The following SEC61A2 variants were observed in gnomAD, a reference collection of about 807,000 sequenced individuals.
SEC61A2 encodes the protein SEC61 translocon subunit alpha 2, also known as protein transport protein Sec61 subunit alpha isoform 2.
Under a neutral mutation model 59.9 loss-of-function variants are expected in SEC61A2, and 28 were observed. The observed-to-expected ratio is 0.47, with a 90% CI of 0.35 to 0.64. The LOEUF (loss-of-function observed/expected upper bound fraction) is 0.64. SEC61A2 is among the 30% of genes least tolerant of loss of function. The pLI is 0.01. For synonymous variants in SEC61A2, 202 were observed against 214.4 expected (o/e 0.94, Z 0.50); for missense variants, 340 against 585.9 (o/e 0.58, Z 4.33).
In SEC61A2 at chr10:12,162,267, T is replaced by G; in HGVS notation, c.1222T>G (p.Ser408Ala). Residue 408 changes from serine to alanine, a missense_variant, in exon 11 of 12, where the codon TCT becomes GCT. By Grantham distance (99) the Ser-to-Ala change is moderately conservative. Transcript: ENST00000298428. The surrounding 1 kb of genome is among the most constrained non-coding windows in gnomAD (Gnocchi z 6.1). ...QMVMRGHRDT[S>A]MVHELNRYIP... ...GGTAATGAGGGGCCACCGAGATACCTCTATGGTTCATGAGCTTAATAGGTA... is the reference window on the plus strand; with the variant it reads ...GGTAATGAGGGGCCACCGAGATACCGCTATGGTTCATGAGCTTAATAGGTA... 6.2e-7 allele frequency: 1 copy of G among 1,613,732 alleles called. No individual in the cohort carries two copies. The highest frequency in any genetic ancestry group is 8.5e-7 in the Non-Finnish European group (1 of 1,179,660).
rs553199097 is a variant in SEC61A2, at chr10:12,150,016, C to T, written c.462+55C>T. 53 of 1,180,822 alleles carry T rather than the reference C, an allele frequency of 4.5e-5. No individual in the cohort carries two copies. In the South Asian group the frequency reaches 6.0e-4, roughly 13 times the overall value. The allele number at this position is 1,180,822 out of a possible 1,614,324, so 73.1% of individuals were successfully genotyped here. A position where few individuals can be genotyped will look rare whatever the true frequency, so the allele number is the denominator to read the frequency against. On this transcript the variant is annotated intron_variant, in intron 6 of 11. Transcript: ENST00000298428. ...TAACAAAACAGTTTGATTCCTTTTT[C>T]CTTTTCTAACAGTTCTTTAGGTGAT...
Position 12,161,696 on chromosome 10 carries a change from G to A in SEC61A2, c.1168-517G>A, listed in dbSNP as rs549473667. 1.0e-3 allele frequency among the ~76,000 whole-genome samples: 157 copies of A among 152,216 alleles called. No homozygotes were observed. The highest frequency in any genetic ancestry group is 3.6e-3 in the African/African-American group (151 of 41,538). ...TCGGAGGTTGCAGTGAGCTGAGATCGTGCCACTGAACTCCAGCCTGGCGAC... is the reference window on the plus strand; with the variant it reads ...TCGGAGGTTGCAGTGAGCTGAGATCATGCCACTGAACTCCAGCCTGGCGAC... On this transcript the variant is annotated intron_variant, in intron 10 of 11. Coordinates refer to ENST00000298428, the MANE Select transcript of SEC61A2 (RefSeq NM_018144.4). This position sits in a 1 kb window ranked among gnomAD's most constrained non-coding sequence, Gnocchi z 5.4.
At position 12,143,766 on chromosome 10, in the gene SEC61A2, C is replaced by T. The variant is rs1459313365; in HGVS notation, c.220+571C>T. ...AAGGGAGTCCAGTGTGTGAGCCAAT[C>T]GGGGAGCTCAGCTGGAGCTGAGCCT... On this transcript the variant is annotated intron_variant, in intron 4 of 11. Transcript: ENST00000298428. The surrounding 1 kb of genome is among the most constrained non-coding windows in gnomAD (Gnocchi z 4.8). Among the ~76,000 whole-genome samples the T allele has an allele frequency of 2.0e-5, 3 of 152,022 alleles. No individual in the cohort carries two copies. The highest frequency in any genetic ancestry group is 2.1e-4 in the South Asian group (1 of 4,816).
At position 12,143,059 on chromosome 10, in the gene SEC61A2, T is replaced by C. The variant is rs1834058134; in HGVS notation, c.142-58T>C. 11 of 1,352,198 alleles carry C rather than the reference T, an allele frequency of 8.1e-6. No homozygotes were observed. The Admixed American group carries it at 1.8e-4, about 23-fold the overall frequency. 83.8% of individuals were successfully genotyped at this position (1,352,198 alleles called of 1,614,324 possible). A position where few individuals can be genotyped will look rare whatever the true frequency, so the allele number is the denominator to read the frequency against. ...CCTTTGCCTCCTGGGTTCAAGCGATTCTTATGCCTCAGCCTTATATAATAC... is the reference window on the plus strand; with the variant it reads ...CCTTTGCCTCCTGGGTTCAAGCGATCCTTATGCCTCAGCCTTATATAATAC... On this transcript the variant is annotated intron_variant, in intron 3 of 11. Transcript: ENST00000298428. The surrounding 1 kb of genome is among the most constrained non-coding windows in gnomAD (Gnocchi z 4.8).
chr10:12,134,287 G>A (rs934490913), intron 2 of SEC61A2, among the ~76,000 whole-genome samples: 3 of 152,218 alleles, frequency 2.0e-5, no homozygotes, highest in Non-Finnish European at 4.4e-5. Context: ...GATTACAGGC[G>A]TGAGCCACCG....
At chr10:12,151,701 T>G (rs1321545034) in intron 6 of SEC61A2, among the ~76,000 whole-genome samples, 5 of 152,212 alleles carry the variant, frequency 3.3e-5, no homozygotes, top group Non-Finnish European at 7.3e-5. Flanking sequence ...AATATATACA[T>G]AGAAGGAAAT....
At position 12,162,247 on chromosome 10, in the gene SEC61A2, T is replaced by TGA. The variant is rs1834548675; in HGVS notation, c.1204_1205dup (p.His404AlafsTer47). Reference sequence around the variant, plus strand: ...CAGCTGAAAGAACAGCAGATGGTAATGAGGGGCCACCGAGATACCTCTATG... The same window carrying TGA: ...CAGCTGAAAGAACAGCAGATGGTAATGAGAGGGGCCACCGAGATACCTCTATG... On this transcript the variant is annotated frameshift_variant, in exon 11 of 12. Coordinates refer to ENST00000298428, the MANE Select transcript of SEC61A2 (RefSeq NM_018144.4). LOFTEE classifies it high-confidence loss of function. This position sits in a 1 kb window ranked among gnomAD's most constrained non-coding sequence, Gnocchi z 6.1. The TGA allele has an allele frequency of 1.2e-6, 2 of 1,613,078 alleles. No homozygotes were observed. Among genetic ancestry groups the TGA allele is most frequent in the South Asian group, 2.2e-5 (2 of 91,016 alleles).
In SEC61A2 at chr10:12,149,513, G is replaced by C; in HGVS notation, c.221-82G>C. On this transcript the variant is annotated intron_variant, in intron 4 of 11. Transcript: ENST00000298428. The surrounding 1 kb of genome is among the most constrained non-coding windows in gnomAD (Gnocchi z 5.2). ...AATTTTCACGTGTGTTTCAGTTGAG[G>C]TAATTAGGGAGTGCGACACCTCTAA... The C allele has an allele frequency of 7.5e-7, 1 of 1,331,174 alleles. No individual in the cohort carries two copies. The highest frequency in any genetic ancestry group is 1.5e-5 in the South Asian group (1 of 65,746). The allele number at this position is 1,331,174 out of a possible 1,614,324, so 82.5% of individuals were successfully genotyped here. A position where few individuals can be genotyped will look rare whatever the true frequency, so the allele number is the denominator to read the frequency against.
Position 12,149,913 on chromosome 10 carries a change from G to C in SEC61A2, c.414G>C (p.Gly138=). 1 of 1,614,022 alleles carries C rather than the reference G, an allele frequency of 6.2e-7. No individual in the cohort carries two copies. The highest frequency in any genetic ancestry group is 2.2e-5 in the East Asian group (1 of 44,882). Residue 138 remains glycine (G), a synonymous_variant, in exon 6 of 12, where the codon GGG becomes GGC. Transcript: ENST00000298428. The surrounding 1 kb of genome is among the most constrained non-coding windows in gnomAD (Gnocchi z 5.2). ...TGTATGTCATGACGGGGATGTATGGGGACCCTGCAGAAATGGGTGCCGGAA... is the reference window on the plus strand; with the variant it reads ...TGTATGTCATGACGGGGATGTATGGCGACCCTGCAGAAATGGGTGCCGGAA... The part of the protein sequence containing the change: ...AIVYVMTGMY[G]DPAEMGAGIC...
Position 12,164,130 on chromosome 10 carries a change from C to A in SEC61A2, c.1245-138C>A. On this transcript the variant is annotated intron_variant, in intron 11 of 11. Coordinates refer to ENST00000298428, the MANE Select transcript of SEC61A2 (RefSeq NM_018144.4). This position sits in a 1 kb window ranked among gnomAD's most constrained non-coding sequence, Gnocchi z 7.3. ...ATGCCGTGCCCTGCACACCCCTCCA[C>A]ACTGCAGCCTGTTCCCTCTGGAGTT... 2 of 924,064 alleles carry A rather than the reference C, an allele frequency of 2.2e-6. No individual in the cohort carries two copies. Among genetic ancestry groups the A allele is most frequent in the Non-Finnish European group, 3.2e-6 (2 of 624,996 alleles). 57.2% of individuals were successfully genotyped at this position (924,064 alleles called of 1,614,324 possible).
downstream of SEC61A2, among the ~76,000 whole-genome samples, chr10:12,168,803 G>A (rs538931298): frequency 1.7e-4 from 26 of 151,174 alleles, no homozygotes; most frequent in Admixed American, 8.6e-4. The surrounding 1 kb of genome is among the most constrained non-coding windows in gnomAD (Gnocchi z 4.8). Flanking sequence ...TCACTTTGTC[G>A]CCAGGCTGCA....
In SEC61A2 at chr10:12,162,533, A is replaced by G; in HGVS notation, c.1244+244A>G. On this transcript the variant is annotated intron_variant, in intron 11 of 11. Coordinates refer to ENST00000298428, the MANE Select transcript of SEC61A2 (RefSeq NM_018144.4). This position sits in a 1 kb window ranked among gnomAD's most constrained non-coding sequence, Gnocchi z 6.1. ...CTTGCAGATCAGTGCTGTTCTCAGC[A>G]TTGGCTGGCTGCACATACAATCACC... is the stretch of plus-strand genomic sequence containing the variant. 1.5e-6 allele frequency: 1 copy of G among 654,118 alleles called. No homozygotes were observed. Among genetic ancestry groups the G allele is most frequent in the Admixed American group, 2.0e-5 (1 of 49,948 alleles). The allele number at this position is 654,118 out of a possible 1,614,324, so 40.5% of individuals were successfully genotyped here.
rs1834399506 is a variant in SEC61A2 at position 12,156,556 on chromosome 10, T to C, written c.617-351T>C. The stretch of plus-strand genomic sequence containing the variant: ...CTGTCTCTTATTCTGACATCTCTGC[T>C]CTGCTTCGCTGCTGTTTATTTTTCC... On this transcript the variant is annotated intron_variant, in intron 7 of 11. Transcript: ENST00000298428. The surrounding 1 kb of genome is among the most constrained non-coding windows in gnomAD (Gnocchi z 5.2). 6.6e-6 allele frequency among the ~76,000 whole-genome samples: 1 copy of C among 152,226 alleles called. No individual in the cohort carries two copies.
At position 12,152,718 on chromosome 10, in the gene SEC61A2, C is replaced by T. The variant is rs1026381833; in HGVS notation, c.462+2757C>T. On this transcript the variant is annotated intron_variant, in intron 6 of 11. Coordinates refer to ENST00000298428, the MANE Select transcript of SEC61A2 (RefSeq NM_018144.4). The surrounding 1 kb of genome is among the most constrained non-coding windows in gnomAD (Gnocchi z 5.5). ...GACCATCCTGGCCAACATGGTGAAACGCTGTCTCTACCAAAAATACAAAAA... is the reference window on the plus strand; with the variant it reads ...GACCATCCTGGCCAACATGGTGAAATGCTGTCTCTACCAAAAATACAAAAA... Among the ~76,000 whole-genome samples the T allele has an allele frequency of 1.1e-4, 17 of 152,122 alleles. No individual in the cohort carries two copies. The highest frequency in any genetic ancestry group is 2.1e-4 in the Non-Finnish European group (14 of 67,996).
rs1033475400 is a variant in SEC61A2, at chr10:12,164,907, T to G, written c.*453T>G. 1.0e-6 allele frequency: 1 copy of G among 977,332 alleles called. No homozygotes were observed. Among genetic ancestry groups the G allele is most frequent in the African/African-American group, 1.7e-5 (1 of 57,204 alleles). The allele number at this position is 977,332 out of a possible 1,614,324, so 60.5% of individuals were successfully genotyped here. A position where few individuals can be genotyped will look rare whatever the true frequency, so the allele number is the denominator to read the frequency against. ...CTATATTTTAGATAATTACTTTTTATACTTTTTTAACTCATGGTATCCCCA... is the reference window on the plus strand; with the variant it reads ...CTATATTTTAGATAATTACTTTTTAGACTTTTTTAACTCATGGTATCCCCA... On this transcript the variant is annotated 3_prime_UTR_variant, in exon 12 of 12. Coordinates refer to ENST00000298428, the MANE Select transcript of SEC61A2 (RefSeq NM_018144.4). This position sits in a 1 kb window ranked among gnomAD's most constrained non-coding sequence, Gnocchi z 7.3.
rs757649618 is a variant in SEC61A2 at position 12,153,743 on chromosome 10, AC to A, written c.463-2034del. The A allele has an allele frequency of 6.2e-7, 1 of 1,611,586 alleles. No individual in the cohort carries two copies. The highest frequency in any genetic ancestry group is 8.5e-7 in the Non-Finnish European group (1 of 1,179,452). Reference sequence around the variant, plus strand: ...CCCATTGGTGTCTTTTCAAGGCGTTACTAACATTGAAAATATGTGGATACAC... The same window carrying A: ...CCCATTGGTGTCTTTTCAAGGCGTTATAACATTGAAAATATGTGGATACAC... On this transcript the variant is annotated intron_variant, in intron 6 of 11. Transcript: ENST00000298428. This position sits in a 1 kb window ranked among gnomAD's most constrained non-coding sequence, Gnocchi z 5.2.
At chr10:12,157,822 G>A (rs12250051) in intron 8 of SEC61A2, 86 bp from the exon 9 acceptor site, 3 of 1,272,272 alleles carry the variant, frequency 2.4e-6, no homozygotes, top group East Asian at 4.7e-5. Context: ...TTCATCCCCC[G>A]CACTGTTCTT....
chr10:12,139,919 A>C (rs528919992), intron 3 of SEC61A2, among the ~76,000 whole-genome samples: 1 of 151,282 alleles, frequency 6.6e-6, no homozygotes, highest in East Asian at 1.9e-4. Flanking sequence ...CAGTGAGCCG[A>C]GATCCCGCCA....
At position 12,162,044 on chromosome 10, in the gene SEC61A2, G is replaced by GC. The variant is rs1382510507; in HGVS notation, c.1168-168dup. On this transcript the variant is annotated intron_variant, in intron 10 of 11. Coordinates refer to ENST00000298428, the MANE Select transcript of SEC61A2 (RefSeq NM_018144.4). The surrounding 1 kb of genome is among the most constrained non-coding windows in gnomAD (Gnocchi z 6.1). Reference sequence around the variant, plus strand: ...CATATGGGTAACATGGAGCGGAGGAGCACTGAAGCTTTGGTTTCCTCAGGC... The same window carrying GC: ...CATATGGGTAACATGGAGCGGAGGAGCCACTGAAGCTTTGGTTTCCTCAGGC... Among the ~76,000 whole-genome samples the GC allele has an allele frequency of 3.7e-4, 56 of 152,318 alleles. No homozygotes were observed. Among genetic ancestry groups the GC allele is most frequent in the African/African-American group, 1.3e-3 (55 of 41,560 alleles).
Sources: allele counts gnomAD v4.1 joint callset (sites outside exome capture counted in the v4.1 genomes callset), GRCh38; gene constraint gnomAD v4.1.1; non-coding constraint Gnocchi (gnomAD v3.1); transcripts MANE v1.5; gene names NCBI Gene and HGNC (gene_info 2026-07-23, HGNC 2026-07-21).